Variants in IL1RAPL2 observed in about 807,000 individuals in gnomAD.
The protein encoded by IL1RAPL2 is interleukin 1 receptor accessory protein like 2.
In IL1RAPL2, 3 loss-of-function variants were observed where a neutral mutation model predicts 44.1. The observed-to-expected ratio is 0.07, with a 90% CI of 0.03 to 0.18. The LOEUF (loss-of-function observed/expected upper bound fraction) is 0.18. Among genes scored for constraint, IL1RAPL2 ranks in the 10% least tolerant of loss-of-function variants. The pLI is 1.00. For missense variants in IL1RAPL2, 391 were observed against 496.4 expected (o/e 0.79, Z 2.02); for synonymous variants, 181 against 178.8 (o/e 1.01, Z -0.10).
chrX:105,580,417 C>G (rs1190004407), intron 6 of IL1RAPL2, among the ~76,000 whole-genome samples: 1 of 104,841 alleles, frequency 9.5e-6, no homozygotes, highest in African/African-American at 3.5e-5. Flanking sequence ...TTGTGTCCAC[C>G]AGCTGAATGA....
intron 5 of IL1RAPL2, among the ~76,000 whole-genome samples, chrX:105,294,802 CAT>C (rs761648008): frequency 1.3e-4 from 15 of 111,763 alleles, no homozygotes; most frequent in African/African-American, 4.9e-4. Flanking sequence ...GTCCTTTACA[CAT>C]GTTATTGCAT....
chrX:105,558,874 G>A (rs1335584957), intron 6 of IL1RAPL2, among the ~76,000 whole-genome samples: 1 of 111,719 alleles, frequency 9.0e-6, no homozygotes, highest in Non-Finnish European at 1.9e-5. Context: ...ACACAAAATA[G>A]ATTTGGGAAG....
intron 6 of IL1RAPL2, among the ~76,000 whole-genome samples, chrX:105,628,063 C>T (rs1296849442): frequency 8.9e-6 from 1 of 111,765 alleles, no homozygotes; most frequent in Non-Finnish European, 1.9e-5. Flanking sequence ...GAGGAGTATT[C>T]TCCAGGTGCT....
chrX:105,375,710 C>G lies in IL1RAPL2; in HGVS notation c.697+108169C>G, dbSNP rs746251643. Among the ~76,000 whole-genome samples, 8 of 112,194 alleles carry G rather than the reference C, an allele frequency of 7.1e-5. No individual in the cohort carries two copies. The East Asian group carries it at 2.2e-3, about 32-fold the overall frequency. The stretch of plus-strand genomic sequence containing the variant: ...CTTGCTTTCAAGATATTTTTCTATG[C>G]CTTCATTTATGAGAAGCTGGCTCAG... On this transcript the variant is annotated intron_variant, in intron 5 of 10. Coordinates refer to ENST00000372582, the MANE Select transcript of IL1RAPL2 (RefSeq NM_017416.2).
At chrX:105,196,943 T>G (rs1341814099) in intron 3 of IL1RAPL2, among the ~76,000 whole-genome samples, 1 of 111,715 alleles carries the variant, frequency 9.0e-6, no homozygotes, top group Non-Finnish European at 1.9e-5. Flanking sequence ...TGAACTTTGA[T>G]GCCAAAGCTA....
chrX:104,635,677 G>A (rs752079820), intron 1 of IL1RAPL2, among the ~76,000 whole-genome samples: 37 of 111,458 alleles, frequency 3.3e-4, no homozygotes, highest in Non-Finnish European at 6.2e-4. Context: ...TTCTCGTTCC[G>A]TGGTTTTCAG....
intron 1 of IL1RAPL2, among the ~76,000 whole-genome samples, chrX:104,629,878 TG>T (rs770560762): frequency 2.9e-4 from 33 of 112,421 alleles, no homozygotes; most frequent in Non-Finnish European, 5.8e-4. Flanking sequence ...TCTATTTCAT[TG>T]GTCTATGTGT....
chrX:104,717,643 G>A (rs1157537071), intron 2 of IL1RAPL2, among the ~76,000 whole-genome samples: 1 of 108,818 alleles, frequency 9.2e-6, no homozygotes, highest in Non-Finnish European at 1.9e-5. Context: ...TAAGTTTTAG[G>A]GTACATGTGT....
At chrX:105,076,443 G>A (rs1388556296) in intron 2 of IL1RAPL2, among the ~76,000 whole-genome samples, 1 of 111,640 alleles carries the variant, frequency 9.0e-6, no homozygotes, top group Non-Finnish European at 1.9e-5. Context: ...TACATTTGCT[G>A]AGGAGTGTTT....
chrX:105,751,183 G>A (rs1317317476), intron 9 of IL1RAPL2, among the ~76,000 whole-genome samples: 1 of 110,659 alleles, frequency 9.0e-6, no homozygotes, highest in Non-Finnish European at 1.9e-5. Flanking sequence ...GCCGAGTCAA[G>A]AGAATCGCTT....
chrX:104,681,500 G>A (rs1930891163), intron 2 of IL1RAPL2, among the ~76,000 whole-genome samples: 1 of 112,288 alleles, frequency 8.9e-6, no homozygotes, highest in African/African-American at 3.2e-5. Context: ...TAAAAGTACT[G>A]CAATTATTTT....
chrX:105,174,214 CTCATTCATCATCA>C (rs1225555391), intron 2 of IL1RAPL2, among the ~76,000 whole-genome samples: 2 of 111,475 alleles, frequency 1.8e-5, no homozygotes, highest in East Asian at 5.7e-4. Context: ...CTCATTCACC[CTCATTCATCATCA>C]TCATTCATCC....
chrX:105,685,123 T>C (rs776716517), intron 6 of IL1RAPL2, among the ~76,000 whole-genome samples: 2 of 111,161 alleles, frequency 1.8e-5, no homozygotes, highest in Non-Finnish European at 3.8e-5. Context: ...AAGCTGAAAA[T>C]TCAAAAAATC....
At chrX:105,572,361 A>G (rs777511703) in intron 6 of IL1RAPL2, among the ~76,000 whole-genome samples, 127 of 112,298 alleles carry the variant, frequency 1.1e-3, no homozygotes, top group African/African-American at 4.0e-3. Flanking sequence ...AGATTTATGG[A>G]ATGCATACGA....
intron 2 of IL1RAPL2, among the ~76,000 whole-genome samples, chrX:104,674,934 C>T (rs1259637368): frequency 6.3e-5 from 7 of 111,356 alleles, no homozygotes; most frequent in Non-Finnish European, 9.4e-5. Flanking sequence ...TCTGTGGGAT[C>T]GGTGGTGATA....
chrX:104,985,278 G>A (rs1227917222), intron 2 of IL1RAPL2, among the ~76,000 whole-genome samples: 5 of 83,556 alleles, frequency 6.0e-5, no homozygotes, highest in Non-Finnish European at 9.1e-5. Context: ...AGTAGACATA[G>A]GGTTTCACCA....
intron 7 of IL1RAPL2, among the ~76,000 whole-genome samples, chrX:105,729,876 AGAAG>A (rs768197336): frequency 0.031 from 1,580 of 51,230 alleles, 28 homozygotes; most frequent in East Asian, 0.12. Flanking sequence ...AAGGAAGGAA[AGAAG>A]GAAGGAAGGA....
At chrX:105,343,890 T>TTC (rs1556293707) in intron 5 of IL1RAPL2, among the ~76,000 whole-genome samples, 5 of 110,669 alleles carry the variant, frequency 4.5e-5, no homozygotes, top group African/African-American at 1.6e-4. Context: ...CTTTTTTTTT[T>TTC]TTTCTTTCTT....
chrX:105,354,927 C>T lies in IL1RAPL2; in HGVS notation c.697+87386C>T, dbSNP rs183065446. On this transcript the variant is annotated intron_variant, in intron 5 of 10. Coordinates refer to ENST00000372582, the MANE Select transcript of IL1RAPL2 (RefSeq NM_017416.2). Reference sequence around the variant, plus strand: ...CTCCATTTCAGTAAATGACATTACCCTCTACCCAATTGCTCAAGCTGGAGG... The same window carrying T: ...CTCCATTTCAGTAAATGACATTACCTTCTACCCAATTGCTCAAGCTGGAGG... 3.1e-3 allele frequency among the ~76,000 whole-genome samples: 349 copies of T among 111,842 alleles called. 1 individual carries two copies. Among genetic ancestry groups the T allele is most frequent in the Non-Finnish European group, 5.0e-3 (265 of 53,187 alleles).
Sources: gnomAD v4.1 joint callset for allele counts (sites outside exome capture counted in the v4.1 genomes callset) on GRCh38, gnomAD v4.1.1 for gene constraint, MANE v1.5 for transcripts, NCBI Gene and HGNC (gene_info 2026-07-23, HGNC 2026-07-21) for gene names.